The following NOL4 variants were observed in gnomAD, a reference collection of about 807,000 sequenced individuals.
The protein encoded by NOL4 is cancer/testis antigen 125.
Under a neutral mutation model 75.9 loss-of-function variants are expected in NOL4, and 17 were observed. The ratio of observed to expected loss-of-function variants is 0.22; its 90% confidence interval spans 0.15 to 0.34. The LOEUF is 0.34. NOL4 is among the 10% of genes least tolerant of loss of function. The pLI is 1.00. For missense variants in NOL4, 614 were observed against 793.5 expected, an observed-to-expected ratio of 0.77 and a Z score of 2.72; for synonymous variants, 292 against 289.9, an observed-to-expected ratio of 1.01 and a Z score of -0.07.
intron 5 of NOL4, among the ~76,000 whole-genome samples, chr18:34,042,180 C>T (rs2076169643): frequency 6.6e-6 from 1 of 151,942 alleles, no homozygotes; most frequent in African/African-American, 2.4e-5. Context: ...CTTTTCCTTA[C>T]TCTAATTTTC....
Position 34,090,662 on chromosome 18 carries a change from A to G in NOL4, c.772+2803T>C, listed in dbSNP as rs997884240. Among the ~76,000 whole-genome samples the G allele has an allele frequency of 9.9e-4, 151 of 152,050 alleles. 1 individual carries two copies. The highest frequency in any genetic ancestry group is 1.9e-3 in the Non-Finnish European group (130 of 67,968). On this transcript the variant is annotated intron_variant, in intron 5 of 10. Coordinates refer to ENST00000261592, the MANE Select transcript of NOL4 (RefSeq NM_003787.5). ...GACAGAAATGGCACCAGAAAAAAAAAGGGGGGGAGGCATTGTCCTTAAACA... is the reference window on the plus strand; with the variant it reads ...GACAGAAATGGCACCAGAAAAAAAAGGGGGGGGAGGCATTGTCCTTAAACA...
intron 10 of NOL4, among the ~76,000 whole-genome samples, chr18:33,882,998 T>C (rs1350672380): frequency 2.0e-5 from 3 of 151,986 alleles, no homozygotes; most frequent in South Asian, 2.1e-4. Context: ...TAGGTGGGAA[T>C]TGAACAATGA....
chr18:34,159,593 C>T (rs1442119741), intron 1 of NOL4, among the ~76,000 whole-genome samples: 1 of 152,102 alleles, frequency 6.6e-6, no homozygotes, highest in African/African-American at 2.4e-5. Flanking sequence ...CCCTAGAGAG[C>T]AGGCCCCACC....
At chr18:33,882,373 A>G (rs1332880431) in intron 10 of NOL4, among the ~76,000 whole-genome samples, 1 of 152,014 alleles carries the variant, frequency 6.6e-6, no homozygotes, top group African/African-American at 2.4e-5. Context: ...AAAACAAACA[A>G]CCCCACCAAA....
At chr18:33,859,696 A>G (rs541332687) in intron 10 of NOL4, among the ~76,000 whole-genome samples, 264 of 152,284 alleles carry the variant, frequency 1.7e-3, no homozygotes, top group African/African-American at 6.1e-3. Context: ...AGGTGGGTGG[A>G]TCACTTGTGG....
At chr18:34,154,994 C>T (rs1370811330) in intron 1 of NOL4, among the ~76,000 whole-genome samples, 3 of 151,856 alleles carry the variant, frequency 2.0e-5, no homozygotes, top group Non-Finnish European at 4.4e-5. Flanking sequence ...TGGCTGGTCT[C>T]CCTTTTTCTT....
chr18:34,165,306 T>C (rs1364141365), intron 1 of NOL4, among the ~76,000 whole-genome samples: 1 of 152,182 alleles, frequency 6.6e-6, no homozygotes, highest in Non-Finnish European at 1.5e-5. Flanking sequence ...GTTTACATCC[T>C]TAGTATCTCA....
intron 9 of NOL4, among the ~76,000 whole-genome samples, chr18:33,924,226 T>C (rs1165877592): frequency 1.3e-5 from 2 of 152,216 alleles, no homozygotes; most frequent in East Asian, 3.8e-4. Context: ...ATAATTGCTT[T>C]GTCAAAACTA....
At chr18:33,929,153 T>C (rs981307820) in intron 9 of NOL4, among the ~76,000 whole-genome samples, 4 of 152,158 alleles carry the variant, frequency 2.6e-5, no homozygotes, top group African/African-American at 9.7e-5. Context: ...AGCATGTACT[T>C]ACAGTCTACG....
At chr18:34,093,866 C>T (rs1342644241) in intron 4 of NOL4, among the ~76,000 whole-genome samples, 3 of 151,914 alleles carry the variant, frequency 2.0e-5, no homozygotes, top group Non-Finnish European at 2.9e-5. Flanking sequence ...GGTGAAACCC[C>T]GTCTCTACTA....
At chr18:34,134,939 T>A (rs1381464934) in intron 1 of NOL4, among the ~76,000 whole-genome samples, 2 of 152,112 alleles carry the variant, frequency 1.3e-5, no homozygotes, top group Admixed American at 1.3e-4. Flanking sequence ...CCCAAACCAG[T>A]GCTAAATGCC....
chr18:34,178,681 C>A (rs2033771062), intron 1 of NOL4, among the ~76,000 whole-genome samples: 1 of 151,482 alleles, frequency 6.6e-6, no homozygotes, highest in South Asian at 2.1e-4. Flanking sequence ...GTGTACTTAA[C>A]AACAGAGCCA....
At chr18:33,865,560 T>C (rs139529301) in intron 10 of NOL4, among the ~76,000 whole-genome samples, 15 of 148,544 alleles carry the variant, frequency 1.0e-4, no homozygotes, top group Middle Eastern at 3.5e-3. Context: ...GTCACTGCTA[T>C]AAAAAAAAAA....
At chr18:34,117,158 G>A (rs1437286931) in intron 2 of NOL4, among the ~76,000 whole-genome samples, 2 of 152,124 alleles carry the variant, frequency 1.3e-5, no homozygotes. Flanking sequence ...AACTTTACAT[G>A]AGTTTCATCA....
chr18:34,117,114 T>C (rs1205930478), intron 2 of NOL4, among the ~76,000 whole-genome samples: 1 of 152,186 alleles, frequency 6.6e-6, no homozygotes, highest in African/African-American at 2.4e-5. Context: ...TTTCCATTAA[T>C]TGAGTACTTA....
chr18:34,058,591 T>G (rs905590859), intron 5 of NOL4, among the ~76,000 whole-genome samples: 1 of 152,160 alleles, frequency 6.6e-6, no homozygotes, highest in African/African-American at 2.4e-5. Flanking sequence ...GAGACTCCTA[T>G]GTGCCTACGT....
At chr18:34,213,279 TTTAC>T (rs2036636627) in intron 1 of NOL4, among the ~76,000 whole-genome samples, 1 of 152,072 alleles carries the variant, frequency 6.6e-6, no homozygotes, top group Non-Finnish European at 1.5e-5. Flanking sequence ...TCTGTTCTTA[TTTAC>T]TTATTTATTT....
In NOL4 at chr18:33,852,349, A is replaced by G. The variant is rs1428927327; in HGVS notation, c.*493T>C. 2.0e-5 allele frequency: 3 copies of G among 152,458 alleles called. No homozygotes were observed. The highest frequency in any genetic ancestry group is 4.8e-5 in the African/African-American group (2 of 41,414). 9.4% of individuals were successfully genotyped at this position (152,458 alleles called of 1,614,324 possible). ...TGAATGAAAAACAAGTTTTCTTTTT[A>G]TAAAAATTACATATTTTTTTAAAAT... On this transcript the variant is annotated 3_prime_UTR_variant, in exon 11 of 11. Coordinates refer to ENST00000261592, the MANE Select transcript of NOL4 (RefSeq NM_003787.5).
At chr18:33,903,770 A>G (rs2065874264) in intron 9 of NOL4, among the ~76,000 whole-genome samples, 1 of 152,122 alleles carries the variant, frequency 6.6e-6, no homozygotes, top group African/African-American at 2.4e-5. Context: ...TTTTGCTTGA[A>G]ACCTTGCTAA....
Sources: gnomAD v4.1 joint callset for allele counts (sites outside exome capture counted in the v4.1 genomes callset) on GRCh38, gnomAD v4.1.1 for gene constraint, MANE v1.5 for transcripts, NCBI Gene and HGNC (gene_info 2026-07-23, HGNC 2026-07-21) for gene names.